The following AOAH variants were observed in gnomAD, a reference collection of about 807,000 sequenced individuals.
AOAH encodes acyloxyacyl hydrolase.
Under a neutral mutation model 92.2 loss-of-function variants are expected in AOAH, and 64 were observed. The ratio of observed to expected loss-of-function variants is 0.69; its 90% CI spans 0.57 to 0.86. AOAH has a LOEUF of 0.86. AOAH is among the 40% of genes least tolerant of loss of function. The pLI, the probability that AOAH is intolerant of heterozygous loss-of-function variation, is 0.00. For synonymous variants in AOAH, 263 were observed against 254.5 expected, an observed-to-expected ratio of 1.03 and a Z score of -0.32; for missense variants, 656 against 694.6, an observed-to-expected ratio of 0.94 and a Z score of 0.62.
chr7:36,588,477 G>A (rs1789511268), intron 12 of AOAH, among the ~76,000 whole-genome samples: 1 of 152,238 alleles, frequency 6.6e-6, no homozygotes, highest in Non-Finnish European at 1.5e-5. Flanking sequence ...GTTTTGCAAA[G>A]TATAATTATA....
chr7:36,552,183 T>A (rs909640849), intron 13 of AOAH, among the ~76,000 whole-genome samples: 1 of 152,188 alleles, frequency 6.6e-6, no homozygotes, highest in Non-Finnish European at 1.5e-5. Flanking sequence ...GGCCTCAGCA[T>A]GTGTTGTTCC....
At chr7:36,529,729 A>G (rs1370435987) in intron 19 of AOAH, among the ~76,000 whole-genome samples, 1 of 152,222 alleles carries the variant, frequency 6.6e-6, no homozygotes, top group African/African-American at 2.4e-5. Context: ...TTAGCAATGA[A>G]AATGAATCAG....
intron 4 of AOAH, among the ~76,000 whole-genome samples, chr7:36,652,542 G>C (rs997390945): frequency 6.6e-6 from 1 of 152,180 alleles, no homozygotes; most frequent in African/African-American, 2.4e-5. Context: ...AAGGAAAAGG[G>C]GGAAAATAGT....
At chr7:36,611,818 G>T (rs1264826108) in intron 11 of AOAH, among the ~76,000 whole-genome samples, 2 of 152,170 alleles carry the variant, frequency 1.3e-5, no homozygotes, top group Non-Finnish European at 2.9e-5. Flanking sequence ...CATTTTCATA[G>T]ACCTTAGCTC....
intron 13 of AOAH, among the ~76,000 whole-genome samples, chr7:36,569,361 T>C (rs556937863): frequency 5.2e-4 from 79 of 152,276 alleles, no homozygotes; most frequent in African/African-American, 1.8e-3. Context: ...CTGCAGGCCA[T>C]GGGTGGCCGC....
At chr7:36,693,307 A>G (rs1797521538) in intron 1 of AOAH, among the ~76,000 whole-genome samples, 1 of 152,214 alleles carries the variant, frequency 6.6e-6, no homozygotes, top group Admixed American at 6.5e-5. Context: ...TGTAAATATT[A>G]CAGTGGAACT....
Position 36,632,114 on chromosome 7 carries a change from GAAAAAAAAAAAC to G in AOAH, c.451-20_451-9del. 1 of 1,302,388 alleles carries G rather than the reference GAAAAAAAAAAAC, an allele frequency of 7.7e-7. No individual in the cohort carries two copies. The highest frequency in any genetic ancestry group is 1.4e-5 in the South Asian group (1 of 70,928). The allele number at this position is 1,302,388 out of a possible 1,614,324, so 80.7% of individuals were successfully genotyped here. ...ACCACTTCTAGAATATTTCTGGGGA[GAAAAAAAAAAAC>G]AAAAAGAGAGTTGTTTAGTTTAAGG... On this transcript the variant is annotated splice_polypyrimidine_tract_variant and intron_variant, in intron 5 of 20. Coordinates refer to ENST00000617537, the MANE Select transcript of AOAH (RefSeq NM_001637.4).
chr7:36,722,034 C>T lies in AOAH; in HGVS notation c.127+1988G>A, dbSNP rs78688724. ...AGATGAGCCAACCCTCTAGCCATTCCCTCACCCCTAAGGTGCCAAATATGT... is the reference window on the plus strand; with the variant it reads ...AGATGAGCCAACCCTCTAGCCATTCTCTCACCCCTAAGGTGCCAAATATGT... On this transcript the variant is annotated intron_variant, in intron 1 of 20. Transcript: ENST00000617537. Among the ~76,000 whole-genome samples the T allele has an allele frequency of 3.3e-5, 5 of 152,210 alleles. No homozygotes were observed. The East Asian group carries it at 9.7e-4, about 29-fold the overall frequency.
intron 1 of AOAH, among the ~76,000 whole-genome samples, chr7:36,716,035 G>A (rs1197391892): frequency 6.6e-6 from 1 of 152,008 alleles, no homozygotes; most frequent in Non-Finnish European, 1.5e-5. Context: ...AGAGTGAACA[G>A]GCAACCTACA....
At chr7:36,642,730 A>G (rs889909180) in intron 4 of AOAH, among the ~76,000 whole-genome samples, 1 of 152,256 alleles carries the variant, frequency 6.6e-6, no homozygotes, top group Non-Finnish European at 1.5e-5. Context: ...TGGGAGCCCA[A>G]GGAAAAGAAA....
intron 16 of AOAH, among the ~76,000 whole-genome samples, chr7:36,535,024 C>CTGTG (rs10669954): frequency 0.44 from 63,184 of 144,684 alleles, 13,995 homozygotes; most frequent in East Asian, 0.53. Flanking sequence ...GTGTCTGTGT[C>CTGTG]TGTGTGTGTG....
chr7:36,674,533 G>A (rs534703381), intron 2 of AOAH, among the ~76,000 whole-genome samples: 15 of 152,334 alleles, frequency 9.8e-5, no homozygotes, highest in African/African-American at 3.6e-4. Context: ...ACAGGACATA[G>A]ATACACTCCA....
chr7:36,594,859 C>T (rs995593901), intron 11 of AOAH, among the ~76,000 whole-genome samples: 2 of 152,040 alleles, frequency 1.3e-5, no homozygotes, highest in Non-Finnish European at 1.5e-5. Flanking sequence ...AAGCTATGGC[C>T]TTAAGGCATT....
At chr7:36,574,777 A>T (rs1303430244) in intron 13 of AOAH, among the ~76,000 whole-genome samples, 1 of 152,216 alleles carries the variant, frequency 6.6e-6, no homozygotes, top group Non-Finnish European at 1.5e-5. Flanking sequence ...AGCGGAAAAA[A>T]ATGAAAGCGA....
At chr7:36,552,651 C>T (rs1237529872) in intron 13 of AOAH, among the ~76,000 whole-genome samples, 1 of 152,220 alleles carries the variant, frequency 6.6e-6, no homozygotes, top group African/African-American at 2.4e-5. Flanking sequence ...TTCTCCACAA[C>T]CTCGCCAGCA....
chr7:36,517,481 T>C (rs913284347), intron 20 of AOAH, among the ~76,000 whole-genome samples: 2 of 151,740 alleles, frequency 1.3e-5, no homozygotes, highest in African/African-American at 2.4e-5. Flanking sequence ...CTGTTCATTC[T>C]AGAAGAACTG....
chr7:36,515,570 C>G (rs571809596), intron 20 of AOAH, among the ~76,000 whole-genome samples: 2 of 104,804 alleles, frequency 1.9e-5, no homozygotes, highest in South Asian at 3.4e-4. Flanking sequence ...TAATCACACC[C>G]CCCCCACACA....
intron 12 of AOAH, among the ~76,000 whole-genome samples, chr7:36,589,593 T>C (rs1789602947): frequency 6.6e-6 from 1 of 152,194 alleles, no homozygotes; most frequent in South Asian, 2.1e-4. Flanking sequence ...CCATGCCCAA[T>C]GAGCGTGGGA....
chr7:36,665,722 A>G (rs1252555208), intron 3 of AOAH, among the ~76,000 whole-genome samples: 1 of 151,948 alleles, frequency 6.6e-6, no homozygotes, highest in East Asian at 1.9e-4. Context: ...CTCTCTAGTT[A>G]TTTCTAGTTT....
Sources: allele counts gnomAD v4.1 joint callset (sites outside exome capture counted in the v4.1 genomes callset), GRCh38; gene constraint gnomAD v4.1.1; transcripts MANE v1.5; gene names NCBI Gene and HGNC (gene_info 2026-07-23, HGNC 2026-07-21).